The following TTC7B variants were observed in gnomAD, a reference collection of about 807,000 sequenced individuals.
TTC7B encodes tetratricopeptide repeat protein 7B.
A neutral mutation model predicts 106.8 loss-of-function variants in TTC7B; 28 were observed. That is an observed-to-expected ratio of 0.26 (90% CI 0.19 to 0.36). TTC7B has a LOEUF of 0.36. Ranked by LOEUF, TTC7B falls within the 10% of genes least tolerant of loss-of-function variation. TTC7B has a pLI of 1.00. For missense variants in TTC7B, 862 were observed against 1,076.4 expected, an observed-to-expected ratio of 0.80 and a Z score of 2.79; for synonymous variants, 405 against 430.6, an observed-to-expected ratio of 0.94 and a Z score of 0.74.
intron 18 of TTC7B, among the ~76,000 whole-genome samples, chr14:90,586,182 C>T (rs1595180582): frequency 6.6e-6 from 1 of 152,248 alleles, no homozygotes; most frequent in Non-Finnish European, 1.5e-5. Context: ...TCCTGCCCCC[C>T]TGGCTGCCGC....
In TTC7B at chr14:90,689,498, T is replaced by C. The variant is rs764401647; in HGVS notation, c.950+42A>G. ...ATCCTTGAATTTTCCCAAGTTTTCC[T>C]CCCAACCCATAACCTACAAGTGAGG... On this transcript the variant is annotated intron_variant, in intron 7 of 19. Transcript: ENST00000328459. 5.8e-6 allele frequency: 9 copies of C among 1,555,724 alleles called. No homozygotes were observed. In the East Asian group the frequency reaches 9.1e-5, roughly 16 times the overall value.
At chr14:90,726,939 G>A (rs1555393749) in intron 5 of TTC7B, among the ~76,000 whole-genome samples, 1 of 152,132 alleles carries the variant, frequency 6.6e-6, no homozygotes, top group African/African-American at 2.4e-5. Context: ...GGACTGGGAG[G>A]TGGAGGAAGT....
chr14:90,748,909 G>C, intron 3 of TTC7B, among the ~76,000 whole-genome samples: 1 of 152,068 alleles, frequency 6.6e-6, no homozygotes, highest in East Asian at 1.9e-4. Flanking sequence ...ATTTCTTGTA[G>C]GGTAGTTCTG....
In TTC7B at chr14:90,570,853, C is replaced by T. The variant is rs1047962103; in HGVS notation, c.2310+7253G>A. On this transcript the variant is annotated intron_variant, in intron 19 of 19. Coordinates refer to ENST00000328459, the MANE Select transcript of TTC7B (RefSeq NM_001010854.2). The surrounding 1 kb of genome is among the most constrained non-coding windows in gnomAD (Gnocchi z 4.0). Reference sequence around the variant, plus strand: ...ACTGTTATTACTCCCATTTCACTGTCGAGAAAAATGGAAGCACAGAGAGAT... The same window carrying T: ...ACTGTTATTACTCCCATTTCACTGTTGAGAAAAATGGAAGCACAGAGAGAT... 1.3e-5 allele frequency among the ~76,000 whole-genome samples: 2 copies of T among 152,106 alleles called. No individual in the cohort carries two copies. Among genetic ancestry groups the T allele is most frequent in the Admixed American group, 1.3e-4 (2 of 15,264 alleles).
chr14:90,590,958 C>T (rs573918846), intron 18 of TTC7B, among the ~76,000 whole-genome samples: 1 of 152,320 alleles, frequency 6.6e-6, no homozygotes, highest in East Asian at 1.9e-4. Flanking sequence ...TAAAGCCACA[C>T]CCATTTGCTA....
chr14:90,590,933 C>T (rs1194857307), intron 18 of TTC7B, among the ~76,000 whole-genome samples: 5 of 152,172 alleles, frequency 3.3e-5, no homozygotes, highest in African/African-American at 9.7e-5. Context: ...TCAATTCCAC[C>T]ACCTTCTAGA....
chr14:90,815,172 A>C (rs1447737278), intron 1 of TTC7B, among the ~76,000 whole-genome samples: 1 of 152,228 alleles, frequency 6.6e-6, no homozygotes, highest in Non-Finnish European at 1.5e-5. Flanking sequence ...GGGGAAGCCC[A>C]GGATGAAATG....
intron 17 of TTC7B, among the ~76,000 whole-genome samples, chr14:90,598,710 T>A (rs999048982): frequency 1.3e-5 from 2 of 152,218 alleles, no homozygotes; most frequent in Admixed American, 1.3e-4. Flanking sequence ...CCTTTGCAGG[T>A]GAAGCTTTTC....
At chr14:90,804,804 G>T (rs1595051424) in intron 1 of TTC7B, among the ~76,000 whole-genome samples, 1 of 152,350 alleles carries the variant, frequency 6.6e-6, no homozygotes, top group East Asian at 1.9e-4. Flanking sequence ...GGCCTGCAAG[G>T]GCCAGGGGGG....
intron 4 of TTC7B, among the ~76,000 whole-genome samples, chr14:90,731,231 G>A (rs746804536): frequency 3.3e-5 from 5 of 152,120 alleles, no homozygotes; most frequent in African/African-American, 9.7e-5. Context: ...GATTACAGGC[G>A]TGAGCCCCTG....
At chr14:90,636,229 C>T (rs1884936362) in intron 15 of TTC7B, among the ~76,000 whole-genome samples, 1 of 151,486 alleles carries the variant, frequency 6.6e-6, no homozygotes, top group Non-Finnish European at 1.5e-5. Flanking sequence ...CATATATGTA[C>T]AGATATATGG....
At chr14:90,740,548 C>A (rs1275789427) in intron 4 of TTC7B, among the ~76,000 whole-genome samples, 2 of 120,992 alleles carry the variant, frequency 1.7e-5, no homozygotes, top group Non-Finnish European at 3.2e-5. Context: ...GTTCCCCAGG[C>A]TAGAGTGCAG....
chr14:90,796,813 G>C (rs1361539306), intron 1 of TTC7B, among the ~76,000 whole-genome samples: 1 of 151,636 alleles, frequency 6.6e-6, no homozygotes, highest in Non-Finnish European at 1.5e-5. Context: ...CCCCTTTGTT[G>C]CCCCAAAACA....
In TTC7B at chr14:90,802,968, C is replaced by T. The variant is rs2030366727; in HGVS notation, c.121+13207G>A. Reference sequence around the variant, plus strand: ...CCAACATGGTGAAACCCCATCTCTGCTAAAAAAAAAAAAAAATACAAAAAA... The same window carrying T: ...CCAACATGGTGAAACCCCATCTCTGTTAAAAAAAAAAAAAAATACAAAAAA... On this transcript the variant is annotated intron_variant, in intron 1 of 19. Transcript: ENST00000328459. The surrounding 1 kb of genome is among the most constrained non-coding windows in gnomAD (Gnocchi z 4.7). Among the ~76,000 whole-genome samples the T allele has an allele frequency of 1.6e-5, 1 of 62,620 alleles. No individual in the cohort carries two copies. The highest frequency in any genetic ancestry group is 1.9e-4 in the Admixed American group (1 of 5,182). The allele number at this position is 62,620 out of a possible 152,430, so 41.1% of individuals were successfully genotyped here.
intron 3 of TTC7B, among the ~76,000 whole-genome samples, chr14:90,770,961 A>C (rs1393463086): frequency 6.6e-6 from 1 of 152,208 alleles, no homozygotes; most frequent in Non-Finnish European, 1.5e-5. Context: ...GGCAAATACC[A>C]CATGACTCCA....
chr14:90,779,528 C>A (rs1259496148), intron 3 of TTC7B, among the ~76,000 whole-genome samples: 1 of 152,214 alleles, frequency 6.6e-6, no homozygotes, highest in Admixed American at 6.5e-5. Flanking sequence ...TGGTCTCGAA[C>A]TCCTGACCTC....
In TTC7B at chr14:90,799,532, G is replaced by A. The variant is rs2030113155; in HGVS notation, c.122-13204C>T. Among the ~76,000 whole-genome samples the A allele has an allele frequency of 3.9e-5, 6 of 152,176 alleles. No homozygotes were observed. In the South Asian group the frequency reaches 1.2e-3, roughly 32 times the overall value. ...TGGTCAGATCAGGGAAAGACTCAAG[G>A]GCAGGGCATCCAAGACTTCAATGAG... On this transcript the variant is annotated intron_variant, in intron 1 of 19. Transcript: ENST00000328459.
intron 16 of TTC7B, among the ~76,000 whole-genome samples, chr14:90,613,448 T>C (rs1390769426): frequency 2.0e-5 from 3 of 152,204 alleles, no homozygotes; most frequent in Non-Finnish European, 2.9e-5. Flanking sequence ...TTTTACTGGA[T>C]GCTTGAAGCA....
At chr14:90,736,028 G>C (rs983778044) in intron 4 of TTC7B, among the ~76,000 whole-genome samples, 1 of 151,950 alleles carries the variant, frequency 6.6e-6, no homozygotes, top group Non-Finnish European at 1.5e-5. Flanking sequence ...CAATTAAAAA[G>C]CCAGAATTTT....
Sources: allele counts gnomAD v4.1 joint callset (sites outside exome capture counted in the v4.1 genomes callset), GRCh38; gene constraint gnomAD v4.1.1; non-coding constraint Gnocchi (gnomAD v3.1); transcripts MANE v1.5; gene names NCBI Gene and HGNC (gene_info 2026-07-23, HGNC 2026-07-21).